Variants in MAGI3 observed in about 807,000 individuals in gnomAD.
The protein encoded by MAGI3 is membrane associated guanylate kinase, WW and PDZ domain containing 3, also known as membrane-associated guanylate kinase, WW and PDZ domain-containing protein 3.
MAGI3 carries 43 observed loss-of-function variants against 121.8 expected under a neutral mutation model. The observed-to-expected ratio is 0.35, with a 90% CI of 0.28 to 0.46. MAGI3 has a LOEUF of 0.46. Ranked by LOEUF, MAGI3 falls within the 20% of genes least tolerant of loss-of-function variation. MAGI3 has a pLI of 1.00. For missense variants in MAGI3, 1,547 were observed against 1,797.3 expected (o/e 0.86, Z 2.52); for synonymous variants, 553 against 639.3 (o/e 0.86, Z 2.04).
At chr1:113,652,802 T>C (rs1364384847) in intron 14 of MAGI3, among the ~76,000 whole-genome samples, 2 of 152,242 alleles carry the variant, frequency 1.3e-5, no homozygotes, top group African/African-American at 4.8e-5. Flanking sequence ...AAATATGCCC[T>C]TTTTAAAAAA....
At chr1:113,508,069 A>G (rs192663428) in intron 1 of MAGI3, among the ~76,000 whole-genome samples, 1 of 152,238 alleles carries the variant, frequency 6.6e-6, no homozygotes, top group Non-Finnish European at 1.5e-5. Flanking sequence ...AAGGAAAGCT[A>G]TGTGGAGCTT....
chr1:113,683,598 A>C lies in MAGI3; in HGVS notation c.4030A>C (p.Asn1344His). 1 of 1,613,956 alleles carries C rather than the reference A, an allele frequency of 6.2e-7. No homozygotes were observed. The highest frequency in any genetic ancestry group is 8.5e-7 in the Non-Finnish European group (1 of 1,179,892). ...SDVIRKDAKQ[N>H]QLEKSRTRSP... ...CGTCATCAGGAAAGATGCAAAGCAG[A>C]ATCAGTTGGAAAAAAGCAGAACAAG... The change falls in exon 21 of 21, where the codon AAT becomes CAT. Residue 1344 changes from asparagine (N) to histidine (H), a missense_variant. Asn to His is a moderately conservative substitution (Grantham distance 68). Transcript: ENST00000307546.
At chr1:113,654,818 A>G (rs1653380412) in intron 15 of MAGI3, among the ~76,000 whole-genome samples, 1 of 152,174 alleles carries the variant, frequency 6.6e-6, no homozygotes. Flanking sequence ...CTTTGACCAC[A>G]TGAAAATGTG....
Position 113,683,235 on chromosome 1 carries a change from A to G in MAGI3, c.3667A>G (p.Ser1223Gly). The change falls in exon 21 of 21, where the codon AGT becomes GGT. Residue 1223 changes from serine to glycine, a missense_variant. By Grantham distance (56) the Ser-to-Gly change is moderately conservative (BLOSUM62 0). Transcript: ENST00000307546. ...TGTTACACGAAGAGGTAGATCGGTT[A>G]GTCCCAAAAAGCCAGCCAGTCAACA... The part of the protein sequence containing the change: ...NGVTRRGRSV[S>G]PKKPASQHSE... The G allele has an allele frequency of 6.2e-7, 1 of 1,613,446 alleles. No homozygotes were observed.
intron 6 of MAGI3, among the ~76,000 whole-genome samples, chr1:113,610,515 A>G (rs1248404862): frequency 1.3e-5 from 2 of 151,998 alleles, no homozygotes; most frequent in South Asian, 2.1e-4. Context: ...AGAGCTTGTT[A>G]TTTATCTGTA....
At chr1:113,404,592 C>G (rs1651576241) in intron 1 of MAGI3, 1 of 152,176 alleles carries the variant, frequency 6.6e-6, no homozygotes. Context: ...TCCCTTTTCA[C>G]TGTTATCACA....
intron 1 of MAGI3, among the ~76,000 whole-genome samples, chr1:113,394,300 A>G (rs567453818): frequency 6.6e-6 from 1 of 152,296 alleles, no homozygotes; most frequent in East Asian, 1.9e-4. Flanking sequence ...GTTTTAGTGT[A>G]GTACTTAGTA....
intron 1 of MAGI3, among the ~76,000 whole-genome samples, chr1:113,519,827 T>C (rs1658089475): frequency 6.6e-6 from 1 of 152,204 alleles, no homozygotes; most frequent in Admixed American, 6.5e-5. Context: ...CAAAGAAAAG[T>C]AAACCATATT....
chr1:113,578,315 G>T (rs1647786897), intron 2 of MAGI3, among the ~76,000 whole-genome samples: 1 of 152,176 alleles, frequency 6.6e-6, no homozygotes, highest in Non-Finnish European at 1.5e-5. Flanking sequence ...CAAGGGATGA[G>T]GCAACAGGCC....
intron 1 of MAGI3, among the ~76,000 whole-genome samples, chr1:113,412,127 G>C (rs1652034113): frequency 6.7e-6 from 1 of 149,762 alleles, no homozygotes; most frequent in Admixed American, 6.8e-5. Context: ...GCAGTGTTTG[G>C]TTTTCTGTCC....
intron 6 of MAGI3, among the ~76,000 whole-genome samples, chr1:113,611,736 T>C (rs1165377437): frequency 6.6e-6 from 1 of 152,154 alleles, no homozygotes; most frequent in African/African-American, 2.4e-5. Flanking sequence ...TCTATCATCG[T>C]CAAAATAAAG....
intron 1 of MAGI3, among the ~76,000 whole-genome samples, chr1:113,494,857 A>C (rs1010439739): frequency 6.6e-6 from 1 of 152,178 alleles, no homozygotes; most frequent in Non-Finnish European, 1.5e-5. Context: ...AGCTTTGTTA[A>C]TACTGATTTG....
chr1:113,629,757 T>TCTCTCCCTCTCCCTCTCC (rs1274672181), intron 9 of MAGI3, among the ~76,000 whole-genome samples: 1 of 95,768 alleles, frequency 1.0e-5, no homozygotes, highest in African/African-American at 4.2e-5. Flanking sequence ...TCTCTCTCTC[T>TCTCTCCCTCTCCCTCTCC]CTCTCCCTCC....
At chr1:113,413,033 C>G (rs1396199516) in intron 1 of MAGI3, among the ~76,000 whole-genome samples, 3 of 152,134 alleles carry the variant, frequency 2.0e-5, no homozygotes, top group Non-Finnish European at 4.4e-5. Context: ...AGTCTTTAAT[C>G]CATCTTGAAT....
intron 1 of MAGI3, among the ~76,000 whole-genome samples, chr1:113,444,536 G>A (rs1654075736): frequency 6.6e-6 from 1 of 152,120 alleles, no homozygotes; most frequent in Non-Finnish European, 1.5e-5. Context: ...AAAACCTTAA[G>A]TTTACATTTC....
intron 20 of MAGI3, chr1:113,682,427 C>T (rs1648279985): frequency 7.2e-7 from 1 of 1,394,404 alleles, no homozygotes. Flanking sequence ...TTAAATTTGA[C>T]AGCTTAATGC....
At chr1:113,635,287 G>A (rs972661394) in intron 9 of MAGI3, among the ~76,000 whole-genome samples, 5 of 152,178 alleles carry the variant, frequency 3.3e-5, no homozygotes, top group African/African-American at 1.2e-4. Context: ...GTGAGAGAGG[G>A]CATCCCTGTC....
intron 2 of MAGI3, among the ~76,000 whole-genome samples, chr1:113,569,156 C>T (rs962401628): frequency 2.6e-5 from 4 of 152,038 alleles, no homozygotes; most frequent in African/African-American, 9.7e-5. Flanking sequence ...TTTTTATCAT[C>T]AAATAGCTAC....
chr1:113,417,264 G>A (rs11102627), intron 1 of MAGI3, among the ~76,000 whole-genome samples: 36,722 of 151,874 alleles, frequency 0.24, 5,093 homozygotes, highest in East Asian at 0.63. Flanking sequence ...CTCCCTGTAG[G>A]TTGGTGATCT....
Sources: allele counts gnomAD v4.1 joint callset (sites outside exome capture counted in the v4.1 genomes callset), GRCh38; gene constraint gnomAD v4.1.1; transcripts MANE v1.5; gene names NCBI Gene and HGNC (gene_info 2026-07-23, HGNC 2026-07-21).